KIAA0825: variants seen among roughly 807,000 people sequenced by gnomAD.
The protein encoded by KIAA0825 is uncharacterized protein KIAA0825.
KIAA0825 carries 119 observed loss-of-function variants against 147.6 expected under a neutral mutation model. The observed-to-expected ratio is 0.81, with a 90% CI of 0.69 to 0.94. The LOEUF is 0.94. Among genes scored for constraint, KIAA0825 ranks in the 40% least tolerant of loss-of-function variants. KIAA0825 has a pLI of 0.00. For synonymous variants in KIAA0825, 470 were observed against 518.1 expected, an observed-to-expected ratio of 0.91 and a Z score of 1.26; for missense variants, 1,381 against 1,472.7, an observed-to-expected ratio of 0.94 and a Z score of 1.02.
At chr5:94,547,864 G>A (rs1386421027) in intron 2 of KIAA0825, among the ~76,000 whole-genome samples, 3 of 151,136 alleles carry the variant, frequency 2.0e-5, no homozygotes, top group African/African-American at 7.3e-5. Context: ...TATACCTAAG[G>A]TACTGAAGGA....
intron 6 of KIAA0825, among the ~76,000 whole-genome samples, chr5:94,483,788 C>T (rs73145024): frequency 0.088 from 13,354 of 151,700 alleles, 1,278 homozygotes; most frequent in African/African-American, 0.24. Context: ...TGTGACATTA[C>T]TTACGTGGGC....
At chr5:94,204,456 G>A (rs897924430) in intron 20 of KIAA0825, among the ~76,000 whole-genome samples, 1 of 152,140 alleles carries the variant, frequency 6.6e-6, no homozygotes, top group East Asian at 1.9e-4. Context: ...TCGATTCTTT[G>A]TGAGTCCTTT....
intron 20 of KIAA0825, among the ~76,000 whole-genome samples, chr5:94,340,272 T>C (rs939905753): frequency 1.3e-5 from 2 of 152,116 alleles, no homozygotes; most frequent in African/African-American, 2.4e-5. Flanking sequence ...ATGAAAATAG[T>C]TGTTATGCTG....
At chr5:94,617,463 T>C (rs1198792528) in intron 1 of KIAA0825, among the ~76,000 whole-genome samples, 1 of 152,190 alleles carries the variant, frequency 6.6e-6, no homozygotes, top group Non-Finnish European at 1.5e-5. Flanking sequence ...GAATTGAACA[T>C]ATTGCATTTT....
intron 2 of KIAA0825, among the ~76,000 whole-genome samples, chr5:94,558,241 G>T (rs1776932208): frequency 6.6e-6 from 1 of 152,098 alleles, no homozygotes; most frequent in Non-Finnish European, 1.5e-5. Flanking sequence ...CCACCATTTT[G>T]GAAACAGCCC....
At chr5:94,399,423 G>T (rs1241663591) in intron 16 of KIAA0825, among the ~76,000 whole-genome samples, 1 of 152,058 alleles carries the variant, frequency 6.6e-6, no homozygotes, top group Admixed American at 6.6e-5. Context: ...ACACTCTACT[G>T]ATATTTTATA....
intron 20 of KIAA0825, among the ~76,000 whole-genome samples, chr5:94,236,944 G>A (rs138049004): frequency 2.7e-4 from 41 of 152,206 alleles, no homozygotes; most frequent in Non-Finnish European, 5.6e-4. Flanking sequence ...ATGTGCACTG[G>A]AAAAACTTTG....
chr5:94,506,364 A>G (rs1441780426), intron 5 of KIAA0825, among the ~76,000 whole-genome samples: 1 of 152,230 alleles, frequency 6.6e-6, no homozygotes, highest in East Asian at 1.9e-4. Flanking sequence ...ATGGTAAGAA[A>G]ATTTCCATCA....
At chr5:94,499,522 C>A (rs1446553825) in intron 5 of KIAA0825, among the ~76,000 whole-genome samples, 1 of 142,418 alleles carries the variant, frequency 7.0e-6, no homozygotes, top group East Asian at 2.1e-4. Context: ...TCTCAGAACT[C>A]TGCAACTGCT....
At chr5:94,315,008 C>T (rs1293839622) in intron 20 of KIAA0825, among the ~76,000 whole-genome samples, 1 of 151,576 alleles carries the variant, frequency 6.6e-6, no homozygotes, top group Non-Finnish European at 1.5e-5. Context: ...ACAAATAGGA[C>T]TGTTGCCATG....
At chr5:94,482,147 T>G (rs1367123736) in intron 6 of KIAA0825, among the ~76,000 whole-genome samples, 1 of 152,114 alleles carries the variant, frequency 6.6e-6, no homozygotes, top group Non-Finnish European at 1.5e-5. Context: ...ATCTTTTCTT[T>G]CTCAGAAAAT....
At chr5:94,234,757 A>G (rs1297286029) in intron 20 of KIAA0825, among the ~76,000 whole-genome samples, 1 of 152,144 alleles carries the variant, frequency 6.6e-6, no homozygotes, top group Non-Finnish European at 1.5e-5. Flanking sequence ...TGGCCCAAGG[A>G]ATTCATGAGG....
chr5:94,488,868 TA>T (rs1263504728), intron 5 of KIAA0825, among the ~76,000 whole-genome samples: 2 of 152,244 alleles, frequency 1.3e-5, no homozygotes, highest in African/African-American at 4.8e-5. Context: ...CCTGCCATAA[TA>T]AAGTAATAAC....
At chr5:94,156,960 C>T (rs1767084327) in intron 20 of KIAA0825, among the ~76,000 whole-genome samples, 1 of 151,010 alleles carries the variant, frequency 6.6e-6, no homozygotes, top group South Asian at 2.1e-4. Flanking sequence ...TTTGTTAACA[C>T]AATGCAAAAA....
At chr5:94,617,701 G>T (rs6885313) in intron 1 of KIAA0825, among the ~76,000 whole-genome samples, 226 of 152,276 alleles carry the variant, frequency 1.5e-3, no homozygotes, top group African/African-American at 5.2e-3. Context: ...AGTCGCCAAG[G>T]TTCACTACAT....
chr5:94,304,731 G>A (rs1207268660), intron 20 of KIAA0825, among the ~76,000 whole-genome samples: 1 of 151,790 alleles, frequency 6.6e-6, no homozygotes, highest in African/African-American at 2.4e-5. Context: ...AAGTATATTT[G>A]AATACTAAAT....
chr5:94,215,705 GTTC>G (rs774576891), intron 20 of KIAA0825, among the ~76,000 whole-genome samples: 1 of 151,996 alleles, frequency 6.6e-6, no homozygotes, highest in African/African-American at 2.4e-5. Context: ...CTGGTGAATG[GTTC>G]TTCTTTCCTG....
At chr5:94,447,096 G>A (rs367796876) in intron 13 of KIAA0825, among the ~76,000 whole-genome samples, 2 of 152,076 alleles carry the variant, frequency 1.3e-5, no homozygotes, top group African/African-American at 2.4e-5. Context: ...AGATATGTTC[G>A]GAGGGGAATA....
At chr5:94,293,701 G>T (rs1235954566) in intron 20 of KIAA0825, among the ~76,000 whole-genome samples, 1 of 152,102 alleles carries the variant, frequency 6.6e-6, no homozygotes, top group Non-Finnish European at 1.5e-5. Flanking sequence ...GTCTAATATT[G>T]ACAGTGGGGT....
Sources: gnomAD v4.1 joint callset for allele counts (sites outside exome capture counted in the v4.1 genomes callset) on GRCh38, gnomAD v4.1.1 for gene constraint, MANE v1.5 for transcripts, NCBI Gene and HGNC (gene_info 2026-07-23, HGNC 2026-07-21) for gene names.